TLN1: variants seen among roughly 807,000 people sequenced by gnomAD.
TLN1 encodes the protein talin-1.
In TLN1, 56 loss-of-function variants were observed where a neutral mutation model predicts 292.3. The observed-to-expected ratio is 0.19, with a 90% confidence interval of 0.15 to 0.24. The LOEUF (loss-of-function observed/expected upper bound fraction) is 0.24, where lower values mean the gene tolerates loss of function less well. Ranked by LOEUF, TLN1 falls within the 10% of genes least tolerant of loss-of-function variation. The pLI is 1.00. For missense variants in TLN1, 2,433 were observed against 3,248.2 expected (o/e 0.75, Z 6.10); for synonymous variants, 1,119 against 1,253.7 (o/e 0.89, Z 2.27).
chr9:35,720,838 C>T lies in TLN1; in HGVS notation c.1180G>A (p.Gly394Ser). Residue 394 changes from glycine to serine, a missense_variant, in exon 11 of 57, where the codon GGC (glycine) becomes AGC (serine). Transcript: ENST00000314888. ...EGEQIAQLIA[G>S]YIDIILKKKK... is the part of the protein sequence containing the mutation. ...TTCTTCAGGATGATATCGATGTAGC[C>T]GGCAATGAGCTGTGCAATCTGCTCC... is the stretch of plus-strand genomic sequence containing the variant. 6.2e-7 allele frequency: 1 copy of T among 1,614,054 alleles called. No homozygotes were observed.
At chr9:35,708,234 A>C in intron 34 of TLN1, 107 bp downstream of exon 34, 8 of 1,386,748 alleles carry the variant, frequency 5.8e-6, no homozygotes, top group Non-Finnish European at 7.8e-6. Context: ...GTGCAAGGTC[A>C]GAGATGGGTC....
Position 35,718,824 on chromosome 9 carries a change from G to A in TLN1, c.1983C>T (p.Asp661=). The change falls in exon 17 of 57, where the codon GAC becomes GAT. Residue 661 remains aspartate (D), a synonymous_variant. Transcript: ENST00000314888. ...LLQQIGESDT[D]PHFQDALMQL... is the part of the protein sequence containing the mutation. ...GTAAGTCACCAACCTGGAAGTGGGG[G>A]TCAGTATCACTTTCCCCAATTTGTT... is the stretch of plus-strand genomic sequence containing the variant. 1 of 1,613,572 alleles carries A rather than the reference G, an allele frequency of 6.2e-7. No homozygotes were observed. Among genetic ancestry groups the A allele is most frequent in the Non-Finnish European group, 8.5e-7 (1 of 1,179,754 alleles).
chr9:35,699,308 A>C lies in TLN1; in HGVS notation c.6874+48T>G, dbSNP rs767686341. On this transcript the variant is annotated intron_variant, in intron 51 of 56. Transcript: ENST00000314888. The surrounding 1 kb of genome is among the most constrained non-coding windows in gnomAD (Gnocchi z 4.0). ...TGTCCAGCCAGGAAGCAGAGATCAC[A>C]CCATGATAAGGGTTTTCCATCCGTC... 8.2e-6 allele frequency: 13 copies of C among 1,580,546 alleles called. No individual in the cohort carries two copies. Among genetic ancestry groups the C allele is most frequent in the Non-Finnish European group, 1.1e-5 (13 of 1,161,854 alleles).
chr9:35,716,362 C>A (rs375384626), intron 20 of TLN1, 28 bp downstream of exon 20: 2 of 1,613,298 alleles, frequency 1.2e-6, no homozygotes, highest in Non-Finnish European at 1.7e-6. Context: ...AGGGTCCAGT[C>A]TGGGAGTGTG....
rs754950669 is a variant in TLN1, at chr9:35,722,218, G to A, written c.849C>T (p.His283=). The change falls in exon 9 of 57, where the codon CAC becomes CAT. Residue 283 remains histidine, a synonymous_variant. Transcript: ENST00000314888. ...TCTCACTCATCTGCCCACAATTCTT[G>A]TGTGCCTGTGCATAAAATGGGGAAG... ...QKGERKIFQA[H]KNCGQMSEIE... 4 of 1,614,060 alleles carry A rather than the reference G, an allele frequency of 2.5e-6. No individual in the cohort carries two copies. The highest frequency in any genetic ancestry group is 3.4e-6 in the Non-Finnish European group (4 of 1,179,902).
chr9:35,722,007 A>G, intron 9 of TLN1, 112 bp downstream of exon 9: 3 of 1,189,786 alleles, frequency 2.5e-6, no homozygotes, highest in Non-Finnish European at 3.7e-6. Context: ...AGAGAATGGG[A>G]ATCTTAGGGA....
At chr9:35,726,607 G>A (rs1825982659) in intron 1 of TLN1, among the ~76,000 whole-genome samples, 1 of 152,156 alleles carries the variant, frequency 6.6e-6, no homozygotes, top group South Asian at 2.1e-4. Flanking sequence ...GCCTGGCAGG[G>A]AGACCAAATA....
chr9:35,697,704 G>A lies in TLN1; in HGVS notation c.*87C>T. ...GCACTTTGGGGAGTGCTGGGGTTGG[G>A]CAGGTTGGGCCCCGACAGCCCAGAA... On this transcript the variant is annotated 3_prime_UTR_variant, in exon 57 of 57. Coordinates refer to ENST00000314888, the MANE Select transcript of TLN1 (RefSeq NM_006289.4). 1 of 1,555,046 alleles carries A rather than the reference G, an allele frequency of 6.4e-7. No homozygotes were observed.
rs142844519 is a variant in TLN1 at position 35,698,083 on chromosome 9, T to C, written c.7461A>G (p.Thr2487=). Residue 2487 remains threonine, a synonymous_variant, in exon 56 of 57, where the codon ACA becomes ACG. Transcript: ENST00000314888. The surrounding 1 kb of genome is among the most constrained non-coding windows in gnomAD (Gnocchi z 5.3). ...CAACCATCTTCTCTTTCACCACCAC[T>C]GTCTCATTCTCCTGCTCTTCAAAGG... ...AAAFEEQENE[T]VVVKEKMVGG... is the part of the protein sequence containing the mutation. 2.3e-3 allele frequency: 3,765 copies of C among 1,614,160 alleles called. 9 individuals are homozygous for C. Among genetic ancestry groups the C allele is most frequent in the Non-Finnish European group, 2.8e-3 (3,331 of 1,180,020 alleles).
At chr9:35,700,475 TCACA>T in intron 48 of TLN1, 99 bp from the exon 49 acceptor site, 1 of 1,222,160 alleles carries the variant, frequency 8.2e-7, no homozygotes, top group African/African-American at 1.5e-5. Context: ...CATTCACACA[TCACA>T]GTGAATGTAA....
At chr9:35,720,979 T>C in intron 10 of TLN1, 66 bp from the exon 11 acceptor site, 1 of 1,313,112 alleles carries the variant, frequency 7.6e-7, no homozygotes, top group East Asian at 2.3e-5. Flanking sequence ...ATGGCTAGGA[T>C]GGGAGGCCCA....
chr9:35,721,801 T>C lies in TLN1; in HGVS notation c.951A>G (p.Glu317=). 6.2e-7 allele frequency: 1 copy of C among 1,608,856 alleles called. No homozygotes were observed. The highest frequency in any genetic ancestry group is 1.1e-5 in the South Asian group (1 of 91,022). The change falls in exon 10 of 57, where the codon GAA becomes GAG. Residue 317 remains glutamate, a splice_region_variant and synonymous_variant. Transcript: ENST00000314888. ...CTAGCTTGTTCTTCCCTTTCATTTT[T>C]TCCTATGAGGCAGAGGTTGGTGTTG... The part of the protein sequence containing the change: ...TYGVSFFLVK[E]KMKGKNKLVP...
chr9:35,712,789 T>C lies in TLN1; in HGVS notation c.3561+46A>G, dbSNP rs769834661. 15 of 1,519,536 alleles carry C rather than the reference T, an allele frequency of 9.9e-6. No individual in the cohort carries two copies. In the East Asian group the frequency reaches 1.7e-4, roughly 17 times the overall value. 94.1% of individuals were successfully genotyped at this position (1,519,536 alleles called of 1,614,324 possible). A position where few individuals can be genotyped will look rare whatever the true frequency, so the allele number is the denominator to read the frequency against. ...TTGGCCTCAATCAGGGTGGGCCTTA[T>C]GAAGGAACCTGGGGGAGAGGGAGTG... On this transcript the variant is annotated intron_variant, in intron 27 of 56. Transcript: ENST00000314888.
chr9:35,726,057 C>T (rs935054618), intron 1 of TLN1, among the ~76,000 whole-genome samples: 14 of 152,118 alleles, frequency 9.2e-5, no homozygotes, highest in Admixed American at 2.0e-4. Context: ...GGACTACAGG[C>T]GCCCGCTGCC....
chr9:35,704,676 G>A lies in TLN1; in HGVS notation c.5873C>T (p.Ser1958Phe). The A allele has an allele frequency of 1.9e-6, 3 of 1,614,058 alleles. No homozygotes were observed. The highest frequency in any genetic ancestry group is 2.5e-6 in the Non-Finnish European group (3 of 1,180,030). ...AGGGATGAGCACCGTCACCTTCTCA[G>A]AGACTCTCCGGGCACACTCTATGAG... ...KELIECARRV[S>F]EKVSHVLAAL... Residue 1958 changes from serine (S) to phenylalanine (F), a missense_variant, in exon 44 of 57, where the codon TCT becomes TTT. By Grantham distance (155) the Ser-to-Phe change is radical (BLOSUM62 -2). This residue lies in a region of TLN1 where 1,384 missense variants were observed against 1,699.6 expected (regional missense o/e 0.81). Coordinates refer to ENST00000314888, the MANE Select transcript of TLN1 (RefSeq NM_006289.4). The surrounding 1 kb of genome is among the most constrained non-coding windows in gnomAD (Gnocchi z 6.9).
rs1418943318 is a variant in TLN1, at chr9:35,699,671, C to A, written c.6769-210G>T. 8.1e-6 allele frequency: 8 copies of A among 984,994 alleles called. No homozygotes were observed. The highest frequency in any genetic ancestry group is 6.2e-5 in the Admixed American group (1 of 16,236). 61.0% of individuals were successfully genotyped at this position (984,994 alleles called of 1,614,324 possible). ...TGGGGCTGTGTCACTCACCGGCTGA[C>A]AAGGAGCAAGGAGAATGATGAGATG... On this transcript the variant is annotated intron_variant, in intron 50 of 56. Coordinates refer to ENST00000314888, the MANE Select transcript of TLN1 (RefSeq NM_006289.4). This position sits in a 1 kb window ranked among gnomAD's most constrained non-coding sequence, Gnocchi z 4.0.
At position 35,706,527 on chromosome 9, in the gene TLN1, C is replaced by A; in HGVS notation, c.5113G>T (p.Ala1705Ser). ...ATGAGATGGGAGATCTCTTGGACTG[C>A]AGTGAGCATCTGAGTGTGCAAGGCC... ...QEALHTQMLT[A>S]VQEISHLIEP... Residue 1705 changes from alanine to serine, a missense_variant, in exon 39 of 57, where the codon GCA becomes TCA. Ala to Ser is a moderately conservative substitution (Grantham distance 99). This residue lies in a region of TLN1 where 1,384 missense variants were observed against 1,699.6 expected (regional missense o/e 0.81). Coordinates refer to ENST00000314888, the MANE Select transcript of TLN1 (RefSeq NM_006289.4). This position sits in a 1 kb window ranked among gnomAD's most constrained non-coding sequence, Gnocchi z 4.2. 6.2e-7 allele frequency: 1 copy of A among 1,614,076 alleles called. No individual in the cohort carries two copies. Among genetic ancestry groups the A allele is most frequent in the Non-Finnish European group, 8.5e-7 (1 of 1,179,998 alleles).
chr9:35,722,483 G>A (rs1369910366), intron 8 of TLN1, among the ~76,000 whole-genome samples: 1 of 152,174 alleles, frequency 6.6e-6, no homozygotes, highest in Non-Finnish European at 1.5e-5. Context: ...GCAAAGAGAA[G>A]GCCTTCTGGG....
At position 35,698,551 on chromosome 9, in the gene TLN1, C is replaced by T. The variant is rs779699588; in HGVS notation, c.7189-46G>A. 3 of 1,613,802 alleles carry T rather than the reference C, an allele frequency of 1.9e-6. No homozygotes were observed. Among genetic ancestry groups the T allele is most frequent in the Non-Finnish European group, 2.5e-6 (3 of 1,179,996 alleles). On this transcript the variant is annotated intron_variant, in intron 54 of 56. Coordinates refer to ENST00000314888, the MANE Select transcript of TLN1 (RefSeq NM_006289.4). This position sits in a 1 kb window ranked among gnomAD's most constrained non-coding sequence, Gnocchi z 5.3. ...TTAAAAATATGCCCCTTGCCCTGGT[C>T]CATCCCCACTCCAGCCTTCTCAAGT... is the stretch of plus-strand genomic sequence containing the variant.
Sources: gnomAD v4.1 joint callset for allele counts (sites outside exome capture counted in the v4.1 genomes callset) on GRCh38, gnomAD v4.1.1 for gene constraint, gnomAD v4.1.1 regional missense constraint, Gnocchi (gnomAD v3.1) non-coding constraint, MANE v1.5 for transcripts, NCBI Gene and HGNC (gene_info 2026-07-23, HGNC 2026-07-21) for gene names.